CEACAM4: variants seen among roughly 807,000 people sequenced by gnomAD.
The protein encoded by CEACAM4 is CEA cell adhesion molecule 4.
In CEACAM4, 30 loss-of-function variants were observed where a neutral mutation model predicts 28.7. That is an observed-to-expected ratio of 1.05 (90% CI 0.78 to 1.42). The LOEUF (loss-of-function observed/expected upper bound fraction) is 1.42. CEACAM4 is among the 40% of genes most tolerant of loss of function. CEACAM4 has a pLI of 0.00. For missense variants in CEACAM4, 330 were observed against 308.2 expected, an observed-to-expected ratio of 1.07 and a Z score of -0.53; for synonymous variants, 143 against 126.5, an observed-to-expected ratio of 1.13 and a Z score of -0.87.
chr19:41,619,142 A>AGCCC lies in CEACAM4; in HGVS notation c.*184_*187dup. The AGCCC allele has an allele frequency of 1.7e-6, 1 of 584,996 alleles. No homozygotes were observed. The highest frequency in any genetic ancestry group is 2.2e-5 in the South Asian group (1 of 45,684). The allele number at this position is 584,996 out of a possible 1,614,324, so 36.2% of individuals were successfully genotyped here. On this transcript the variant is annotated 3_prime_UTR_variant, in exon 7 of 7. Coordinates refer to ENST00000221954, the MANE Select transcript of CEACAM4 (RefSeq NM_001817.4). ...GAGGCCTTTGTCCCGGCCCACCCAGAGCCCAGGGCAACCTGTCAGGGTCTC... is the reference window on the plus strand; with the variant it reads ...GAGGCCTTTGTCCCGGCCCACCCAGAGCCCGCCCAGGGCAACCTGTCAGGGTCTC...
At position 41,625,896 on chromosome 19, in the gene CEACAM4, G is replaced by C; in HGVS notation, c.129C>G (p.Ser43=). The C allele has an allele frequency of 1.9e-6, 3 of 1,613,786 alleles. No individual in the cohort carries two copies. The highest frequency in any genetic ancestry group is 2.5e-6 in the Non-Finnish European group (3 of 1,179,844). The part of the protein sequence containing the change: ...TVQFTIEALP[S]SAAEGKDVLL... ...GAACATCCTTTCCCTCTGCAGCACT[G>C]GACGGCAGGGCTTCAATAGTGAACT... is the stretch of plus-strand genomic sequence containing the variant. The change falls in exon 2 of 7, where the codon TCC becomes TCG. Residue 43 remains serine (S), a synonymous_variant. Transcript: ENST00000221954.
chr19:41,621,557 G>C (rs552885148), intron 3 of CEACAM4, 94 bp downstream of exon 3: 2 of 662,690 alleles, frequency 3.0e-6, no homozygotes, highest in South Asian at 1.9e-5. Context: ...GGGAGGATGC[G>C]GAAAGCCTGG....
chr19:41,615,868 G>A (rs1363490253), downstream of CEACAM4, among the ~76,000 whole-genome samples: 11 of 152,322 alleles, frequency 7.2e-5, no homozygotes, highest in South Asian at 2.1e-3. Context: ...GGCTGGATCT[G>A]TAGGACCAGA....
chr19:41,615,352 C>T (rs1237581247), downstream of CEACAM4, among the ~76,000 whole-genome samples: 3 of 151,684 alleles, frequency 2.0e-5, no homozygotes, highest in Non-Finnish European at 4.4e-5. Context: ...CTTACTGTCC[C>T]TAGGGGTGGG....
At chr19:41,617,717 T>C (rs2071010805), downstream of CEACAM4, among the ~76,000 whole-genome samples, 1 of 152,132 alleles carries the variant, frequency 6.6e-6, no homozygotes, top group Non-Finnish European at 1.5e-5. Context: ...CAGCCAAGGT[T>C]GCAGGAGGCC....
In CEACAM4 at chr19:41,622,789, C is replaced by T. The variant is rs368175982; in HGVS notation, c.425-1021G>A. ...TCTCTTTAATCTCCTAATAAACATCCTCACAACCACTCTGAGATCCAGGTG... is the reference window on the plus strand; with the variant it reads ...TCTCTTTAATCTCCTAATAAACATCTTCACAACCACTCTGAGATCCAGGTG... On this transcript the variant is annotated intron_variant, in intron 2 of 6. Coordinates refer to ENST00000221954, the MANE Select transcript of CEACAM4 (RefSeq NM_001817.4). Among the ~76,000 whole-genome samples, 36 of 152,212 alleles carry T rather than the reference C, an allele frequency of 2.4e-4. 1 individual carries two copies. The highest frequency in any genetic ancestry group is 8.2e-4 in the African/African-American group (34 of 41,510).
At chr19:41,621,920 T>A in intron 2 of CEACAM4, 152 bp from the exon 3 acceptor site, 1 of 590,196 alleles carries the variant, frequency 1.7e-6, no homozygotes, top group South Asian at 2.3e-5. Context: ...GCTGACTCCC[T>A]TGCTCTCCAC....
rs58700685 is a variant in CEACAM4, at chr19:41,623,423, T to G, written c.425-1655A>C. On this transcript the variant is annotated intron_variant, in intron 2 of 6. Coordinates refer to ENST00000221954, the MANE Select transcript of CEACAM4 (RefSeq NM_001817.4). The stretch of plus-strand genomic sequence containing the variant: ...TTGTTCTGTCTTTCGAACTGCATTT[T>G]TTTTTTTTTTTTTTTTTTTGCCTCT... Among the ~76,000 whole-genome samples, 114 of 57,744 alleles carry G rather than the reference T, an allele frequency of 2.0e-3. 1 individual carries two copies. The highest frequency in any genetic ancestry group is 0.013 in the African/African-American group (111 of 8,348). The allele number at this position is 57,744 out of a possible 152,430, so 37.9% of individuals were successfully genotyped here.
chr19:41,626,096 GTGT>G lies in CEACAM4; in HGVS notation c.65-139_65-137del, dbSNP rs1555804090. 4 of 621,456 alleles carry G rather than the reference GTGT, an allele frequency of 6.4e-6. No homozygotes were observed. In the African/African-American group the frequency reaches 7.6e-5, roughly 12 times the overall value. 38.5% of individuals were successfully genotyped at this position (621,456 alleles called of 1,614,324 possible). A position where few individuals can be genotyped will look rare whatever the true frequency, so the allele number is the denominator to read the frequency against. On this transcript the variant is annotated intron_variant, in intron 1 of 6. Transcript: ENST00000221954. ...TGTGTGTGTGTGTGTGTGTGTGTGT[GTGT>G]GTGTGTGTGTGTGTGTGTGTGTGTG...
chr19:41,625,954 A>T lies in CEACAM4; in HGVS notation c.71T>A (p.Leu24His), dbSNP rs1555803916. Residue 24 changes from leucine (L) to histidine (H), a missense_variant, in exon 2 of 7, where the codon CTT becomes CAT. Leu to His is a moderately conservative substitution (Grantham distance 99, BLOSUM62 -3). Coordinates refer to ENST00000221954, the MANE Select transcript of CEACAM4 (RefSeq NM_001817.4). ...PWQGLLITAS[L>H]LTFWHPPTTV... ...GGTGGGCGGGTGCCAGAAGGTTAAA[A>T]GTGAGGCTAGGAGGTGAAGACAGCA... 1.2e-6 allele frequency: 2 copies of T among 1,608,462 alleles called. No homozygotes were observed. The highest frequency in any genetic ancestry group is 1.7e-6 in the Non-Finnish European group (2 of 1,176,740).
intron 6 of CEACAM4, 66 bp from the exon 7 acceptor site, chr19:41,619,461 G>A: frequency 6.3e-7 from 1 of 1,598,230 alleles, no homozygotes; most frequent in Non-Finnish European, 8.6e-7. Context: ...GCATCTCCCA[G>A]GCTCTGGGCC....
downstream of CEACAM4, among the ~76,000 whole-genome samples, chr19:41,614,871 G>A (rs1277685156): frequency 6.6e-6 from 1 of 150,478 alleles, no homozygotes; most frequent in Non-Finnish European, 1.5e-5. Flanking sequence ...CAAGGTAGGT[G>A]GATGGGTATG....
In CEACAM4 at chr19:41,621,568, C is replaced by G. The variant is rs907872104; in HGVS notation, c.542+83G>C. ...CCTTGGGAGGATGCGGAAAGCCTGGCCCTGAATACAGGGCGGGGTCTCCCT... is the reference window on the plus strand; with the variant it reads ...CCTTGGGAGGATGCGGAAAGCCTGGGCCTGAATACAGGGCGGGGTCTCCCT... On this transcript the variant is annotated intron_variant, in intron 3 of 6. Coordinates refer to ENST00000221954, the MANE Select transcript of CEACAM4 (RefSeq NM_001817.4). The G allele has an allele frequency of 1.5e-5, 11 of 714,886 alleles. No homozygotes were observed. The Admixed American group carries it at 2.5e-4, about 17-fold the overall frequency. 44.3% of individuals were successfully genotyped at this position (714,886 alleles called of 1,614,324 possible). A position where few individuals can be genotyped will look rare whatever the true frequency, so the allele number is the denominator to read the frequency against.
downstream of CEACAM4, among the ~76,000 whole-genome samples, chr19:41,615,660 G>A (rs754738499): frequency 2.0e-5 from 3 of 152,174 alleles, no homozygotes; most frequent in South Asian, 2.1e-4. Context: ...CTATTTCCAG[G>A]AGAGATGACA....
chr19:41,626,552 G>C lies in CEACAM4; in HGVS notation c.64+348C>G, dbSNP rs146164442. The stretch of plus-strand genomic sequence containing the variant: ...TTATTTCCCAGTGTCTGAGGTTGTT[G>C]GCTAAGAGCAGTGTTTTATGCCCTG... On this transcript the variant is annotated intron_variant, in intron 1 of 6. Coordinates refer to ENST00000221954, the MANE Select transcript of CEACAM4 (RefSeq NM_001817.4). Among the ~76,000 whole-genome samples, 5 of 152,282 alleles carry C rather than the reference G, an allele frequency of 3.3e-5. No individual in the cohort carries two copies. The East Asian group carries it at 5.8e-4, about 18-fold the overall frequency.
chr19:41,623,345 T>A (rs1205511092), intron 2 of CEACAM4, among the ~76,000 whole-genome samples: 2 of 151,884 alleles, frequency 1.3e-5, no homozygotes, highest in Non-Finnish European at 2.9e-5. Context: ...CCTGGTCTGA[T>A]AATTTCAACA....
intron 2 of CEACAM4, 91 bp from the exon 3 acceptor site, chr19:41,621,859 A>G (rs2122518544): frequency 1.3e-6 from 1 of 753,834 alleles, no homozygotes; most frequent in Non-Finnish European, 2.3e-6. Flanking sequence ...ATAGTCAGGG[A>G]GGAAGGAAAT....
At chr19:41,623,270 G>A (rs574015765) in intron 2 of CEACAM4, among the ~76,000 whole-genome samples, 9 of 152,184 alleles carry the variant, frequency 5.9e-5, no homozygotes, top group Admixed American at 4.6e-4. Context: ...TGCCTGCCTC[G>A]GCCTCCCAAA....
At chr19:41,618,439 G>T (rs187122024), downstream of CEACAM4, among the ~76,000 whole-genome samples, 1 of 152,278 alleles carries the variant, frequency 6.6e-6, no homozygotes, top group East Asian at 1.9e-4. Flanking sequence ...CCCTCTCTGT[G>T]CCCCACCAGG....
Sources: gnomAD v4.1 joint callset for allele counts (sites outside exome capture counted in the v4.1 genomes callset) on GRCh38, gnomAD v4.1.1 for gene constraint, MANE v1.5 for transcripts, NCBI Gene and HGNC (gene_info 2026-07-23, HGNC 2026-07-21) for gene names.